Variants in CSMD1 observed in about 807,000 individuals in gnomAD.
CSMD1 encodes CUB and sushi domain-containing protein 1.
In CSMD1, 213 loss-of-function variants were observed where a neutral mutation model predicts 417.5. The observed-to-expected ratio is 0.51, with a 90% CI of 0.46 to 0.57. The LOEUF (loss-of-function observed/expected upper bound fraction) is 0.57, where lower values mean the gene tolerates loss of function less well. Ranked by LOEUF, CSMD1 falls within the 20% of genes least tolerant of loss-of-function variation. CSMD1 has a pLI of 0.00. For missense variants in CSMD1, 6,923 were observed against 4,529.7 expected (o/e 1.53, Z -15.17); for synonymous variants, 2,862 against 1,736.8 (o/e 1.65, Z -16.11).
chr8:4,460,878 T>A (rs1038418530), intron 2 of CSMD1, among the ~76,000 whole-genome samples: 1 of 152,170 alleles, frequency 6.6e-6, no homozygotes, highest in Admixed American at 6.5e-5. Flanking sequence ...TTTAATAAAT[T>A]CTTTCCAAAA....
intron 3 of CSMD1, among the ~76,000 whole-genome samples, chr8:4,240,899 G>C (rs143236414): frequency 6.6e-6 from 1 of 152,134 alleles, no homozygotes; most frequent in Non-Finnish European, 1.5e-5. Context: ...GCATGTTACT[G>C]TAAAGAAAAT....
At chr8:4,916,953 C>T (rs917603960) in intron 1 of CSMD1, among the ~76,000 whole-genome samples, 1 of 152,160 alleles carries the variant, frequency 6.6e-6, no homozygotes, top group Non-Finnish European at 1.5e-5. Flanking sequence ...TGTCATTAGG[C>T]ATCCGCAGGT....
chr8:4,612,000 T>C (rs906365342), intron 2 of CSMD1, among the ~76,000 whole-genome samples: 1 of 152,144 alleles, frequency 6.6e-6, no homozygotes, highest in Non-Finnish European at 1.5e-5. Flanking sequence ...AGGTCTGAAA[T>C]AGTCAAATTT....
intron 7 of CSMD1, among the ~76,000 whole-genome samples, chr8:3,643,670 C>G (rs1797425157): frequency 7.1e-6 from 1 of 141,528 alleles, no homozygotes. Flanking sequence ...CACTGCACCC[C>G]AGCCTGGGCG....
At chr8:3,194,700 G>T (rs1474460547) in intron 33 of CSMD1, among the ~76,000 whole-genome samples, 2 of 151,406 alleles carry the variant, frequency 1.3e-5, no homozygotes, top group African/African-American at 2.4e-5. Context: ...AAACTCCTGA[G>T]CTCAGATAAT....
At chr8:4,699,256 C>T (rs1050715722) in intron 1 of CSMD1, among the ~76,000 whole-genome samples, 5 of 152,248 alleles carry the variant, frequency 3.3e-5, no homozygotes, top group East Asian at 1.9e-4. Context: ...AGAGTTTATT[C>T]GCAATTACAC....
chr8:3,219,120 A>G (rs2116846559), intron 29 of CSMD1, 135 bp downstream of exon 29: 2 of 645,142 alleles, frequency 3.1e-6, no homozygotes, highest in Non-Finnish European at 5.2e-6. Flanking sequence ...GGAGACATGT[A>G]TCTTCCCAGA....
At chr8:4,026,406 G>A (rs1289711648) in intron 4 of CSMD1, among the ~76,000 whole-genome samples, 1 of 152,176 alleles carries the variant, frequency 6.6e-6, no homozygotes, top group African/African-American at 2.4e-5. Context: ...CCACATGGGT[G>A]GCAGCATAGG....
At chr8:4,749,811 C>T (rs1386722056) in intron 1 of CSMD1, among the ~76,000 whole-genome samples, 1 of 151,890 alleles carries the variant, frequency 6.6e-6, no homozygotes, top group East Asian at 1.9e-4. Flanking sequence ...ATTGTTTAAA[C>T]CATAAGATGT....
intron 5 of CSMD1, among the ~76,000 whole-genome samples, chr8:3,964,270 G>A (rs889690819): frequency 6.6e-6 from 1 of 152,268 alleles, no homozygotes; most frequent in African/African-American, 2.4e-5. Flanking sequence ...TTGGGGCTTA[G>A]AGCTCACAGG....
chr8:4,836,151 C>G lies in CSMD1; in HGVS notation c.85+158181G>C, dbSNP rs1800473832. Among the ~76,000 whole-genome samples, 2 of 152,126 alleles carry G rather than the reference C, an allele frequency of 1.3e-5. 1 individual carries two copies. Among genetic ancestry groups the G allele is most frequent in the South Asian group, 4.1e-4 (2 of 4,828 alleles). On this transcript the variant is annotated intron_variant, in intron 1 of 69. Transcript: ENST00000635120. ...TTGAAATATAGGTTTTATAAGGCTA[C>G]TTTAAAACTGGGGTTATTTAAATCG...
intron 7 of CSMD1, among the ~76,000 whole-genome samples, chr8:3,669,453 C>T (rs1333857385): frequency 1.3e-5 from 2 of 152,118 alleles, no homozygotes; most frequent in African/African-American, 2.4e-5. Context: ...TGGTCCTGTT[C>T]ATTCATTCAT....
In CSMD1 at chr8:4,762,779, T is replaced by C. The variant is rs531785933; in HGVS notation, c.86-125221A>G. ...CAGCCTGAATCTCCTCTGAGCTCTT[T>C]GAAATGAGGCCAAAAAAATGTATCT... is the stretch of plus-strand genomic sequence containing the variant. On this transcript the variant is annotated intron_variant, in intron 1 of 69. Coordinates refer to ENST00000635120, the MANE Select transcript of CSMD1 (RefSeq NM_033225.6). Among the ~76,000 whole-genome samples the C allele has an allele frequency of 1.6e-3, 243 of 152,290 alleles. 2 individuals are homozygous for C. The highest frequency in any genetic ancestry group is 2.6e-3 in the Non-Finnish European group (175 of 68,020).
intron 3 of CSMD1, among the ~76,000 whole-genome samples, chr8:4,190,415 G>A (rs1377773793): frequency 6.6e-6 from 1 of 152,022 alleles, no homozygotes; most frequent in Non-Finnish European, 1.5e-5. Context: ...GACATTTAAT[G>A]ATTAACGCTC....
At chr8:4,751,858 T>G (rs1038529699) in intron 1 of CSMD1, among the ~76,000 whole-genome samples, 1 of 152,136 alleles carries the variant, frequency 6.6e-6, no homozygotes, top group African/African-American at 2.4e-5. Flanking sequence ...AATAGTGCAT[T>G]GGTGTGCAGT....
chr8:3,443,261 G>A (rs750170991), intron 12 of CSMD1, among the ~76,000 whole-genome samples: 2 of 152,150 alleles, frequency 1.3e-5, no homozygotes, highest in Admixed American at 6.5e-5. Context: ...TCAATAGATG[G>A]GTTGGAAGAC....
intron 1 of CSMD1, among the ~76,000 whole-genome samples, chr8:4,767,162 C>G (rs1262749057): frequency 6.6e-6 from 1 of 152,054 alleles, no homozygotes; most frequent in South Asian, 2.1e-4. Flanking sequence ...TTGGACATAC[C>G]ATGTTAATGA....
intron 3 of CSMD1, among the ~76,000 whole-genome samples, chr8:4,378,253 C>G (rs1347699710): frequency 6.6e-6 from 1 of 152,194 alleles, no homozygotes; most frequent in Non-Finnish European, 1.5e-5. Context: ...TTTCTATTAA[C>G]ATTTGTCAAT....
chr8:3,334,431 T>C (rs1807111768), intron 23 of CSMD1, among the ~76,000 whole-genome samples: 1 of 152,312 alleles, frequency 6.6e-6, no homozygotes, highest in Non-Finnish European at 1.5e-5. Flanking sequence ...CTCTCATTTA[T>C]AGTAGTATGT....
Sources: allele counts gnomAD v4.1 joint callset (sites outside exome capture counted in the v4.1 genomes callset), GRCh38; gene constraint gnomAD v4.1.1; transcripts MANE v1.5; gene names NCBI Gene and HGNC (gene_info 2026-07-23, HGNC 2026-07-21).